The following SLC25A26 variants were observed in gnomAD, a reference collection of about 807,000 sequenced individuals.
The protein encoded by SLC25A26 is mitochondrial S-adenosylmethionine carrier protein.
Under a neutral mutation model 37.8 loss-of-function variants are expected in SLC25A26, and 36 were observed. That is an observed-to-expected ratio of 0.95 (90% CI 0.73 to 1.26). The LOEUF (loss-of-function observed/expected upper bound fraction) is 1.26, where lower values mean the gene tolerates loss of function less well. SLC25A26 is among the 50% of genes most tolerant of loss of function. SLC25A26 has a pLI of 0.00. For synonymous variants in SLC25A26, 129 were observed against 122.5 expected, an observed-to-expected ratio of 1.05 and a Z score of -0.35; for missense variants, 390 against 331.1, an observed-to-expected ratio of 1.18 and a Z score of -1.38.
Position 66,275,899 on chromosome 3 carries a change from G to A in SLC25A26, c.453+12520G>A, listed in dbSNP as rs921235357. On this transcript the variant is annotated intron_variant, in intron 5 of 9. Transcript: ENST00000354883. ...GTGCGAATTATCTCCAGTGAATACCGTGTGGGTCAAGAATTACCCTTGATG... is the reference window on the plus strand; with the variant it reads ...GTGCGAATTATCTCCAGTGAATACCATGTGGGTCAAGAATTACCCTTGATG... 5.9e-5 allele frequency among the ~76,000 whole-genome samples: 9 copies of A among 152,132 alleles called. No homozygotes were observed. In the South Asian group the frequency reaches 6.2e-4, roughly 11 times the overall value.
intron 5 of SLC25A26, among the ~76,000 whole-genome samples, chr3:66,277,633 A>C (rs186371474): frequency 4.7e-4 from 72 of 152,248 alleles, no homozygotes; most frequent in Middle Eastern, 3.4e-3. Flanking sequence ...CATTTATTTT[A>C]AAAAACGAAT....
At chr3:66,235,961 G>A (rs2107018284) in intron 1 of SLC25A26, among the ~76,000 whole-genome samples, 1 of 152,234 alleles carries the variant, frequency 6.6e-6, no homozygotes, top group South Asian at 2.1e-4. Context: ...ACCTGTGCTG[G>A]AGTGCAGTGG....
intron 5 of SLC25A26, among the ~76,000 whole-genome samples, chr3:66,338,150 G>C (rs187619797): frequency 5.9e-5 from 9 of 151,716 alleles, no homozygotes; most frequent in Admixed American, 5.9e-4. Flanking sequence ...CCTGTGTAAG[G>C]GTTGTCCATG....
At position 66,236,564 on chromosome 3, in the gene SLC25A26, T is replaced by G; in HGVS notation, c.54T>G (p.Val18=). 1 of 1,474,598 alleles carries G rather than the reference T, an allele frequency of 6.8e-7. No individual in the cohort carries two copies. Among genetic ancestry groups the G allele is most frequent in the African/African-American group, 1.4e-5 (1 of 72,224 alleles). 91.3% of individuals were successfully genotyped at this position (1,474,598 alleles called of 1,614,324 possible). ...AALVAGGVAG[V]SVDLILFPLD... ...CAAAGGCTGGTGGGGTAGCAGGTGT[T>G]TCTGTTGACTTGATATTATTTCCTC... The change falls in exon 2 of 10, where the codon GTT becomes GTG. Residue 18 remains valine, a synonymous_variant. Transcript: ENST00000354883.
At chr3:66,195,612 C>CCGAG (rs1481831687) in intron 1 of SLC25A26, among the ~76,000 whole-genome samples, 36 of 152,216 alleles carry the variant, frequency 2.4e-4, no homozygotes, top group African/African-American at 8.4e-4. Flanking sequence ...GGTGGTGCTG[C>CCGAG]CGAGCGAGGA....
intron 5 of SLC25A26, among the ~76,000 whole-genome samples, chr3:66,283,161 T>G (rs1268964865): frequency 6.6e-6 from 1 of 152,206 alleles, no homozygotes; most frequent in Non-Finnish European, 1.5e-5. Flanking sequence ...CTGTTAATAG[T>G]CATGTATAAG....
intron 5 of SLC25A26, among the ~76,000 whole-genome samples, chr3:66,307,857 A>T (rs188020913): frequency 3.2e-4 from 48 of 152,132 alleles, no homozygotes; most frequent in Non-Finnish European, 5.6e-4. Context: ...CCATTGGTTT[A>T]TGTATCTGTT....
chr3:66,147,456 C>T lies in SLC25A26; in HGVS notation c.-354+13472C>T, dbSNP rs546308947. 6.6e-4 allele frequency among the ~76,000 whole-genome samples: 100 copies of T among 152,184 alleles called. 2 individuals are homozygous for T. In the South Asian group the frequency reaches 0.012, roughly 18 times the overall value. On this transcript the variant is annotated intron_variant, in intron 1 of 10. Transcript: ENST00000676754. ...GGGATTACAGGTGTGAGGCACCATG[C>T]TCAACCCACATTTTCTTTATTCACT...
In SLC25A26 at chr3:66,292,699, G is replaced by A. The variant is rs189792663; in HGVS notation, c.453+29320G>A. Among the ~76,000 whole-genome samples the A allele has an allele frequency of 8.3e-4, 126 of 152,246 alleles. 1 individual carries two copies. The East Asian group carries it at 0.02, about 24-fold the overall frequency. On this transcript the variant is annotated intron_variant, in intron 5 of 9. Transcript: ENST00000354883. ...GATGGCTTCCCTTTGTGGGTAACCC[G>A]ACCTTTCTCTCTGGCTGCCCTTAAC...
intron 5 of SLC25A26, among the ~76,000 whole-genome samples, chr3:66,270,610 A>G (rs2073925779): frequency 6.6e-6 from 1 of 152,226 alleles, no homozygotes; most frequent in South Asian, 2.1e-4. Flanking sequence ...ATAGAGGTTT[A>G]TAAAATGAGT....
At chr3:66,208,390 G>T (rs1413054285) in intron 1 of SLC25A26, among the ~76,000 whole-genome samples, 1 of 151,868 alleles carries the variant, frequency 6.6e-6, no homozygotes. Context: ...GCAGGCCAAT[G>T]TCAGTGAACT....
chr3:66,238,367 A>T (rs954275722), intron 2 of SLC25A26, among the ~76,000 whole-genome samples: 3 of 152,050 alleles, frequency 2.0e-5, no homozygotes, highest in Non-Finnish European at 4.4e-5. Context: ...ACACATGTTT[A>T]TGTGTTTTAT....
intron 1 of SLC25A26, among the ~76,000 whole-genome samples, chr3:66,168,177 GTGTGTGTGTATATA>G (rs1559558117): frequency 3.8e-5 from 3 of 79,336 alleles, no homozygotes; most frequent in South Asian, 4.2e-4. Context: ...ATATATATAT[GTGTGTGTGTATATA>G]TATATATATA....
intron 5 of SLC25A26, among the ~76,000 whole-genome samples, chr3:66,291,583 G>T (rs759312868): frequency 1.5e-4 from 23 of 152,260 alleles, no homozygotes; most frequent in Non-Finnish European, 2.5e-4. Context: ...TTCAGGAGCA[G>T]GTTGTTCAGT....
At chr3:66,338,387 A>C (rs1192316532) in intron 5 of SLC25A26, among the ~76,000 whole-genome samples, 1 of 152,020 alleles carries the variant, frequency 6.6e-6, no homozygotes, top group African/African-American at 2.4e-5. Flanking sequence ...TCAAAGTTGT[A>C]CGTTCCCACT....
At chr3:66,206,258 G>A (rs1036819927) in intron 1 of SLC25A26, among the ~76,000 whole-genome samples, 1 of 152,180 alleles carries the variant, frequency 6.6e-6, no homozygotes, top group Non-Finnish European at 1.5e-5. Context: ...ATACGGGGCA[G>A]TGTATCTGCA....
At chr3:66,265,008 T>C (rs1028159885) in intron 5 of SLC25A26, among the ~76,000 whole-genome samples, 5 of 152,222 alleles carry the variant, frequency 3.3e-5, no homozygotes, top group East Asian at 1.9e-4. Context: ...AGTTTCAGTA[T>C]ATTACTGCAA....
intron 5 of SLC25A26, among the ~76,000 whole-genome samples, chr3:66,319,676 A>G (rs912746733): frequency 8.6e-5 from 13 of 152,004 alleles, no homozygotes; most frequent in African/African-American, 2.9e-4. Flanking sequence ...AAACAAAAAA[A>G]ATGATACATC....
In SLC25A26 at chr3:66,259,362, T is replaced by TA. The variant is rs1443678160; in HGVS notation, c.301-2688dup. Reference sequence around the variant, plus strand: ...TCTGTATTCACATCCAAGAAAAAGTTACTTTCTAGTTTTATAGCCATATAT... The same window carrying TA: ...TCTGTATTCACATCCAAGAAAAAGTTAACTTTCTAGTTTTATAGCCATATAT... On this transcript the variant is annotated intron_variant, in intron 3 of 9. Transcript: ENST00000354883. Among the ~76,000 whole-genome samples the TA allele has an allele frequency of 3.9e-5, 6 of 152,216 alleles. 1 individual carries two copies. The highest frequency in any genetic ancestry group is 3.3e-4 in the Admixed American group (5 of 15,278).
Sources: gnomAD v4.1 joint callset for allele counts (sites outside exome capture counted in the v4.1 genomes callset) on GRCh38, gnomAD v4.1.1 for gene constraint, MANE v1.5 for transcripts, NCBI Gene and HGNC (gene_info 2026-07-23, HGNC 2026-07-21) for gene names.